The following ITPR1 variants were observed in gnomAD, a reference collection of about 807,000 sequenced individuals.
The protein encoded by ITPR1 is inositol 1,4,5-trisphosphate receptor type 1, also known as inositol 1,4,5-trisphosphate-gated calcium channel ITPR1.
ITPR1 carries 96 observed loss-of-function variants against 318.4 expected under a neutral mutation model. The ratio of observed to expected loss-of-function variants is 0.30; its 90% CI spans 0.26 to 0.36. The LOEUF (loss-of-function observed/expected upper bound fraction) is 0.36. Among genes scored for constraint, ITPR1 ranks in the 10% least tolerant of loss-of-function variants. ITPR1 has a pLI of 1.00. For synonymous variants in ITPR1, 1,312 were observed against 1,289.9 expected, an observed-to-expected ratio of 1.02 and a Z score of -0.37; for missense variants, 2,440 against 3,460.2, an observed-to-expected ratio of 0.71 and a Z score of 7.40.
At chr3:4,774,943 G>A (rs2046397164) in intron 46 of ITPR1, among the ~76,000 whole-genome samples, 1 of 152,228 alleles carries the variant, frequency 6.6e-6, no homozygotes, top group Admixed American at 6.5e-5. Context: ...GAGAGAGGAA[G>A]GGTTAAGAAG....
chr3:4,542,829 A>G (rs948243295), intron 4 of ITPR1, among the ~76,000 whole-genome samples: 4 of 152,210 alleles, frequency 2.6e-5, no homozygotes. Flanking sequence ...TTCTCGCTTT[A>G]GAAAGGACAT....
chr3:4,627,359 G>T (rs2092864275), intron 4 of ITPR1, among the ~76,000 whole-genome samples: 1 of 152,178 alleles, frequency 6.6e-6, no homozygotes, highest in Non-Finnish European at 1.5e-5. Context: ...AGCTACTCAG[G>T]AGGCTGAAGC....
chr3:4,695,964 A>T (rs2094551298), intron 33 of ITPR1, among the ~76,000 whole-genome samples: 1 of 152,112 alleles, frequency 6.6e-6, no homozygotes, highest in African/African-American at 2.4e-5. Context: ...ATTTGATGTG[A>T]TACAGTCCAG....
At chr3:4,717,901 A>G (rs1285790071) in intron 40 of ITPR1, among the ~76,000 whole-genome samples, 1 of 152,210 alleles carries the variant, frequency 6.6e-6, no homozygotes, top group East Asian at 1.9e-4. Flanking sequence ...CGCAGTGTGA[A>G]TTCCTACGTG....
At position 4,691,235 on chromosome 3, in the gene ITPR1, A is replaced by G; in HGVS notation, c.3920A>G (p.His1307Arg). 2 of 1,613,128 alleles carry G rather than the reference A, an allele frequency of 1.2e-6. No individual in the cohort carries two copies. The highest frequency in any genetic ancestry group is 1.1e-5 in the South Asian group (1 of 90,960). Residue 1307 changes from histidine to arginine, a missense_variant, in exon 32 of 62, where the codon CAC (histidine) becomes CGC (arginine). By Grantham distance (29) the His-to-Arg change is conservative. Transcript: ENST00000649015. ...INERVVQHFV[H>R]CIETHGRNVQ... The stretch of plus-strand genomic sequence containing the variant: ...GAGAGAGTTGTTCAGCACTTCGTTC[A>G]CTGCATAGAGACTCACGGTCGGAAT...
chr3:4,794,002 C>T (rs904001853), intron 52 of ITPR1, among the ~76,000 whole-genome samples: 2 of 152,136 alleles, frequency 1.3e-5, no homozygotes, highest in Admixed American at 6.5e-5. Flanking sequence ...TGGCTGCTGT[C>T]GCAAAGTTAC....
At chr3:4,783,079 T>C (rs2046937101) in intron 50 of ITPR1, among the ~76,000 whole-genome samples, 1 of 152,278 alleles carries the variant, frequency 6.6e-6, no homozygotes, top group Non-Finnish European at 1.5e-5. Context: ...TGAGCCTCTC[T>C]TAACAATCCA....
chr3:4,775,117 T>G lies in ITPR1; in HGVS notation c.5980-125T>G, dbSNP rs6778543. ...GGGGGGCATACTGACTCTTCCATGCTCTCCCACGTGGCATCTCTCTGTATA... is the reference window on the plus strand; with the variant it reads ...GGGGGGCATACTGACTCTTCCATGCGCTCCCACGTGGCATCTCTCTGTATA... On this transcript the variant is annotated intron_variant, in intron 46 of 61. Transcript: ENST00000649015. The G allele has an allele frequency of 7.0e-3, 5,278 of 754,006 alleles. 207 individuals carry two copies. In the African/African-American group the frequency reaches 0.08, roughly 11 times the overall value. 46.7% of individuals were successfully genotyped at this position (754,006 alleles called of 1,614,324 possible). A position where few individuals can be genotyped will look rare whatever the true frequency, so the allele number is the denominator to read the frequency against.
At chr3:4,817,089 G>A (rs1448497499) in intron 59 of ITPR1, among the ~76,000 whole-genome samples, 1 of 152,126 alleles carries the variant, frequency 6.6e-6, no homozygotes, top group Non-Finnish European at 1.5e-5. Flanking sequence ...TGACTCCTGG[G>A]TTTAGTCATG....
chr3:4,747,989 T>A (rs775559625), intron 44 of ITPR1, among the ~76,000 whole-genome samples: 1 of 152,232 alleles, frequency 6.6e-6, no homozygotes, highest in South Asian at 2.1e-4. Context: ...CTTTACTGGT[T>A]GAAGAATATT....
intron 4 of ITPR1, among the ~76,000 whole-genome samples, chr3:4,579,039 G>C (rs7646719): frequency 0.18 from 27,778 of 152,086 alleles, 3,121 homozygotes; most frequent in African/African-American, 0.32. Flanking sequence ...CTGTTGTGAC[G>C]TGAACATTCT....
At chr3:4,643,721 A>G (rs1461123494) in intron 7 of ITPR1, among the ~76,000 whole-genome samples, 1 of 152,200 alleles carries the variant, frequency 6.6e-6, no homozygotes, top group Non-Finnish European at 1.5e-5. Context: ...TCCGAATGTT[A>G]TAGTAAAAAT....
At chr3:4,593,674 A>G (rs907231051) in intron 4 of ITPR1, among the ~76,000 whole-genome samples, 4 of 152,238 alleles carry the variant, frequency 2.6e-5, no homozygotes, top group Non-Finnish European at 4.4e-5. Flanking sequence ...GCTATAAAAG[A>G]TAAAAGGCAA....
intron 2 of ITPR1, among the ~76,000 whole-genome samples, chr3:4,496,857 C>A (rs901872): frequency 0.21 from 32,658 of 151,916 alleles, 4,045 homozygotes; most frequent in Admixed American, 0.31. Flanking sequence ...AAAAATAAAA[C>A]AAACACCAAA....
intron 4 of ITPR1, among the ~76,000 whole-genome samples, chr3:4,537,823 CT>C (rs1196686785): frequency 6.6e-6 from 1 of 152,190 alleles, no homozygotes; most frequent in Non-Finnish European, 1.5e-5. Flanking sequence ...ATTTGTGTTG[CT>C]TTAAGCCACT....
At chr3:4,694,019 A>G (rs1467727209) in intron 33 of ITPR1, among the ~76,000 whole-genome samples, 1 of 152,256 alleles carries the variant, frequency 6.6e-6, no homozygotes, top group Non-Finnish European at 1.5e-5. Context: ...TGTTGAGCAA[A>G]GGGGATATGA....
rs188225388 is a variant in ITPR1, at chr3:4,596,535, T to A, written c.164-31228T>A. On this transcript the variant is annotated intron_variant, in intron 4 of 61. Coordinates refer to ENST00000649015, the MANE Select transcript of ITPR1 (RefSeq NM_001378452.1). ...TTTCAAAAGGCTTAGCAACTGGTGG[T>A]CACAGATGGGTTTTTAGTTATCTGA... is the stretch of plus-strand genomic sequence containing the variant. Among the ~76,000 whole-genome samples the A allele has an allele frequency of 4.2e-4, 64 of 152,318 alleles. 1 individual carries two copies. The East Asian group carries it at 8.1e-3, about 19-fold the overall frequency.
intron 56 of ITPR1, 85 bp from the exon 57 acceptor site, chr3:4,813,057 T>C (rs1330508890): frequency 1.4e-5 from 13 of 945,530 alleles, no homozygotes; most frequent in Non-Finnish European, 1.7e-5. Flanking sequence ...AAAGAATTGT[T>C]TAATCAGCCG....
chr3:4,496,249 AC>A (rs2080556211), intron 2 of ITPR1, among the ~76,000 whole-genome samples: 1 of 152,158 alleles, frequency 6.6e-6, no homozygotes, highest in Admixed American at 6.5e-5. Flanking sequence ...CTTTTCATAT[AC>A]CTTCCAGTTT....
Sources: allele counts gnomAD v4.1 joint callset (sites outside exome capture counted in the v4.1 genomes callset), GRCh38; gene constraint gnomAD v4.1.1; transcripts MANE v1.5; gene names NCBI Gene and HGNC (gene_info 2026-07-23, HGNC 2026-07-21).